The following ABLIM3 variants were observed in gnomAD, a reference collection of about 807,000 sequenced individuals.
ABLIM3 encodes actin-binding LIM protein 3.
A neutral mutation model predicts 109.5 loss-of-function variants in ABLIM3; 61 were observed. The observed-to-expected ratio is 0.56, with a 90% confidence interval of 0.45 to 0.69. ABLIM3 has a LOEUF of 0.69. ABLIM3 is among the 30% of genes least tolerant of loss of function. The probability of loss-of-function intolerance (pLI) is 0.00; values close to 1 mark genes in which losing one functional copy is unlikely to be tolerated. For missense variants in ABLIM3, 796 were observed against 889.5 expected, an observed-to-expected ratio of 0.89 and a Z score of 1.34; for synonymous variants, 300 against 324.8, an observed-to-expected ratio of 0.92 and a Z score of 0.82.
chr5:149,199,227 T>C lies in ABLIM3; in HGVS notation c.335+825T>C, dbSNP rs1758274128. 4.8e-6 allele frequency: 2 copies of C among 416,540 alleles called. 1 individual carries two copies. Among genetic ancestry groups the C allele is most frequent in the South Asian group, 3.5e-5 (2 of 56,416 alleles). 25.8% of individuals were successfully genotyped at this position (416,540 alleles called of 1,614,324 possible). A position where few individuals can be genotyped will look rare whatever the true frequency, so the allele number is the denominator to read the frequency against. On this transcript the variant is annotated intron_variant, in intron 4 of 23. Coordinates refer to ENST00000309868, the MANE Select transcript of ABLIM3 (RefSeq NM_014945.5). Reference sequence around the variant, plus strand: ...TACATTAAATGTTAATGGACAGCTCTGATTACATCATAAGTAAAGCATGAT... The same window carrying C: ...TACATTAAATGTTAATGGACAGCTCCGATTACATCATAAGTAAAGCATGAT...
chr5:149,240,423 T>C, intron 13 of ABLIM3: 1 of 555,088 alleles, frequency 1.8e-6, no homozygotes, highest in Non-Finnish European at 3.2e-6. Context: ...TGGAGCTCAG[T>C]AGAGTTGATC....
intron 14 of ABLIM3, among the ~76,000 whole-genome samples, chr5:149,242,077 A>G (rs1242472252): frequency 1.3e-5 from 2 of 152,006 alleles, no homozygotes; most frequent in African/African-American, 4.8e-5. Context: ...TCTGTCTTTG[A>G]GGGAGGGGGA....
chr5:149,210,131 G>A (rs1002036338), intron 6 of ABLIM3, among the ~76,000 whole-genome samples: 6 of 152,170 alleles, frequency 3.9e-5, no homozygotes, highest in African/African-American at 1.2e-4. Flanking sequence ...AGCAATCATG[G>A]CCATTCCTCC....
At chr5:149,238,234 C>G (rs558174252) in intron 11 of ABLIM3, among the ~76,000 whole-genome samples, 1 of 152,180 alleles carries the variant, frequency 6.6e-6, no homozygotes, top group Non-Finnish European at 1.5e-5. Context: ...CAGAATTACC[C>G]TGGAGGTCCT....
chr5:149,179,160 G>T (rs962195348), intron 2 of ABLIM3, among the ~76,000 whole-genome samples: 10 of 152,106 alleles, frequency 6.6e-5, no homozygotes, highest in Non-Finnish European at 1.5e-4. Flanking sequence ...TCTAAAATTT[G>T]GGAAGAGCTT....
intron 2 of ABLIM3, among the ~76,000 whole-genome samples, chr5:149,154,179 G>A (rs1013320560): frequency 1.3e-5 from 2 of 152,226 alleles, no homozygotes; most frequent in Non-Finnish European, 2.9e-5. Flanking sequence ...TGCAGCAGCA[G>A]GGGCAGCCCA....
Position 149,142,006 on chromosome 5 carries a change from C to T in ABLIM3, c.-87-3C>T. 1.3e-6 allele frequency: 2 copies of T among 1,594,106 alleles called. No homozygotes were observed. The highest frequency in any genetic ancestry group is 1.7e-6 in the Non-Finnish European group (2 of 1,161,876). On this transcript the variant is annotated splice_region_variant and splice_polypyrimidine_tract_variant and intron_variant, in intron 1 of 23. Coordinates refer to ENST00000309868, the MANE Select transcript of ABLIM3 (RefSeq NM_014945.5). ...GGCACTGGACTGCCTTTTCACCCCC[C>T]AGGTGATGAGTGAGGTTCGAAGAAC... is the stretch of plus-strand genomic sequence containing the variant.
At chr5:149,233,131 T>C (rs1401338353) in intron 9 of ABLIM3, 98 bp from the exon 10 acceptor site, 9 of 1,003,806 alleles carry the variant, frequency 9.0e-6, no homozygotes, top group Non-Finnish European at 1.3e-5. Context: ...AGTACTTTAA[T>C]GGTATTGCTA....
Position 149,259,227 on chromosome 5 carries a change from C to G in ABLIM3, c.*823C>G. The G allele has an allele frequency of 8.5e-7, 1 of 1,174,800 alleles. No homozygotes were observed. Among genetic ancestry groups the G allele is most frequent in the Non-Finnish European group, 1.1e-6 (1 of 947,926 alleles). The allele number at this position is 1,174,800 out of a possible 1,614,324, so 72.8% of individuals were successfully genotyped here. On this transcript the variant is annotated 3_prime_UTR_variant, in exon 24 of 24. Transcript: ENST00000309868. ...TCAGAGCTGCAGGATTTCTTGGGAC[C>G]CTCCTCTCTCCCTCACTGCTCCCAG...
intron 8 of ABLIM3, among the ~76,000 whole-genome samples, chr5:149,221,827 C>T (rs990202317): frequency 6.6e-6 from 1 of 151,952 alleles, no homozygotes; most frequent in Non-Finnish European, 1.5e-5. Flanking sequence ...ACAAATTTTG[C>T]TCTTGTTCTA....
chr5:149,228,882 T>C (rs892187971), intron 8 of ABLIM3, among the ~76,000 whole-genome samples: 1 of 152,192 alleles, frequency 6.6e-6, no homozygotes, highest in African/African-American at 2.4e-5. Flanking sequence ...GCCAATGTTA[T>C]GGGGTTAGAA....
intron 6 of ABLIM3, among the ~76,000 whole-genome samples, chr5:149,209,625 C>T (rs1441625278): frequency 6.6e-6 from 1 of 152,218 alleles, no homozygotes; most frequent in African/African-American, 2.4e-5. Context: ...CTTGTTGGCT[C>T]ATCACATCCA....
At chr5:149,148,851 C>G (rs1437662205) in intron 2 of ABLIM3, among the ~76,000 whole-genome samples, 1 of 152,122 alleles carries the variant, frequency 6.6e-6, no homozygotes, top group East Asian at 1.9e-4. Context: ...AAAGCCCTTT[C>G]CCCACTAGCA....
chr5:149,181,586 T>C (rs1183223018), intron 2 of ABLIM3, among the ~76,000 whole-genome samples: 1 of 152,246 alleles, frequency 6.6e-6, no homozygotes, highest in Non-Finnish European at 1.5e-5. Context: ...GTTTCAGTGC[T>C]AAGCAATCAG....
chr5:149,203,372 A>C (rs1422605967), intron 5 of ABLIM3, among the ~76,000 whole-genome samples: 1 of 152,024 alleles, frequency 6.6e-6, no homozygotes, highest in Non-Finnish European at 1.5e-5. Flanking sequence ...CTGTTGCCAG[A>C]TACTGCAAAA....
intron 2 of ABLIM3, among the ~76,000 whole-genome samples, chr5:149,161,336 G>A (rs1263251981): frequency 2.6e-5 from 4 of 152,206 alleles, no homozygotes; most frequent in Non-Finnish European, 1.5e-5. Flanking sequence ...GGGACTCCGA[G>A]CTAGGTGAGA....
intron 16 of ABLIM3, among the ~76,000 whole-genome samples, chr5:149,245,752 C>A (rs531724317): frequency 1.3e-5 from 2 of 152,156 alleles, no homozygotes; most frequent in East Asian, 3.9e-4. Context: ...ATCATACAAC[C>A]CAAGCTGTTC....
chr5:149,206,100 G>T (rs1758941877), intron 5 of ABLIM3, among the ~76,000 whole-genome samples: 1 of 152,202 alleles, frequency 6.6e-6, no homozygotes, highest in African/African-American at 2.4e-5. Context: ...GGGTCATCCG[G>T]TTGGCTAGGC....
chr5:149,209,724 G>A (rs1161606498), intron 6 of ABLIM3, among the ~76,000 whole-genome samples: 2 of 152,214 alleles, frequency 1.3e-5, no homozygotes, highest in African/African-American at 4.8e-5. Context: ...GGAGGGAGGA[G>A]TTGAAAGGGT....
Sources: allele counts gnomAD v4.1 joint callset (sites outside exome capture counted in the v4.1 genomes callset), GRCh38; gene constraint gnomAD v4.1.1; transcripts MANE v1.5; gene names NCBI Gene and HGNC (gene_info 2026-07-23, HGNC 2026-07-21).